ZC3HAV1: variants seen among roughly 807,000 people sequenced by gnomAD.
ZC3HAV1 encodes the protein zinc finger CCCH-type antiviral protein 1.
In ZC3HAV1, 41 loss-of-function variants were observed where a neutral mutation model predicts 86.6. That is an observed-to-expected ratio of 0.47 (90% CI 0.37 to 0.61). The LOEUF (loss-of-function observed/expected upper bound fraction) is 0.61, where lower values mean the gene tolerates loss of function less well. ZC3HAV1 is among the 20% of genes least tolerant of loss of function. The pLI, the probability that ZC3HAV1 is intolerant of heterozygous loss-of-function variation, is 0.00. For missense variants in ZC3HAV1, 964 were observed against 1,141.1 expected, an observed-to-expected ratio of 0.84 and a Z score of 2.24; for synonymous variants, 421 against 432.1, an observed-to-expected ratio of 0.97 and a Z score of 0.32.
At chr7:139,072,484 G>C (rs1023258354) in intron 7 of ZC3HAV1, among the ~76,000 whole-genome samples, 11 of 152,232 alleles carry the variant, frequency 7.2e-5, no homozygotes, top group African/African-American at 2.2e-4. Context: ...ACCGCACCCA[G>C]CCCATGCATT....
chr7:139,056,437 GTC>G (rs1214938917), intron 9 of ZC3HAV1, among the ~76,000 whole-genome samples: 1 of 113,744 alleles, frequency 8.8e-6, no homozygotes, highest in Non-Finnish European at 1.7e-5. Context: ...TTTTGAGACA[GTC>G]TCACTCTGTT....
intron 1 of ZC3HAV1, among the ~76,000 whole-genome samples, chr7:139,099,519 G>A (rs1228248384): frequency 3.9e-5 from 6 of 152,192 alleles, no homozygotes; most frequent in East Asian, 3.8e-4. Flanking sequence ...GTTAGAGATC[G>A]CCAGGGGCTG....
intron 7 of ZC3HAV1, among the ~76,000 whole-genome samples, chr7:139,071,479 A>G (rs1271482019): frequency 6.6e-6 from 1 of 152,164 alleles, no homozygotes; most frequent in Non-Finnish European, 1.5e-5. Flanking sequence ...AAAAATTCCA[A>G]TTATTTGACA....
Position 139,047,332 on chromosome 7 carries a change from A to AG in ZC3HAV1, c.*261_*262insC. ...CGATGGAGTGAGATTCAGTCTCAAA[A>AG]AAAAAAAAAAAAAAAAAAATACAAC... On this transcript the variant is annotated 3_prime_UTR_variant, in exon 13 of 13. Coordinates refer to ENST00000242351, the MANE Select transcript of ZC3HAV1 (RefSeq NM_020119.4). 2 of 76,470 alleles carry AG rather than the reference A, an allele frequency of 2.6e-5. No homozygotes were observed. Among genetic ancestry groups the AG allele is most frequent in the Non-Finnish European group, 4.6e-5 (2 of 43,558 alleles). The allele number at this position is 76,470 out of a possible 1,614,324, so 4.7% of individuals were successfully genotyped here. A position where few individuals can be genotyped will look rare whatever the true frequency, so the allele number is the denominator to read the frequency against.
chr7:139,047,466 G>A lies in ZC3HAV1; in HGVS notation c.*128C>T, dbSNP rs921738423. The A allele has an allele frequency of 3.0e-6, 4 of 1,340,536 alleles. No individual in the cohort carries two copies. Among genetic ancestry groups the A allele is most frequent in the African/African-American group, 3.0e-5 (2 of 67,052 alleles). The allele number at this position is 1,340,536 out of a possible 1,614,324, so 83.0% of individuals were successfully genotyped here. ...ATTCTAATATGTAGCAAAATTTGGG[G>A]ACCACTGATCTAAGACATTAGATAA... On this transcript the variant is annotated 3_prime_UTR_variant, in exon 13 of 13. Coordinates refer to ENST00000242351, the MANE Select transcript of ZC3HAV1 (RefSeq NM_020119.4).
intron 1 of ZC3HAV1, among the ~76,000 whole-genome samples, chr7:139,103,697 G>T (rs531278434): frequency 1.3e-5 from 2 of 152,138 alleles, no homozygotes; most frequent in Admixed American, 1.3e-4. Flanking sequence ...TTGGCAGCAC[G>T]ATTTGGTATA....
intron 1 of ZC3HAV1, among the ~76,000 whole-genome samples, chr7:139,097,953 C>T (rs536195599): frequency 1.3e-5 from 2 of 149,706 alleles, no homozygotes; most frequent in South Asian, 2.1e-4. Context: ...CATTATTTAC[C>T]TTTTTTTTTA....
At chr7:139,079,072 C>T (rs1817042488) in intron 4 of ZC3HAV1, 1 of 1,534,654 alleles carries the variant, frequency 6.5e-7, no homozygotes, top group Non-Finnish European at 8.7e-7. Context: ...AGACTCAAGA[C>T]ACAGAGGCCC....
chr7:139,065,922 G>A (rs902341295), intron 7 of ZC3HAV1, among the ~76,000 whole-genome samples: 5 of 151,850 alleles, frequency 3.3e-5, no homozygotes, highest in Non-Finnish European at 7.4e-5. Context: ...AAGGAAAGAA[G>A]GGATAAGGCA....
At chr7:139,093,528 G>C (rs1584868620) in intron 1 of ZC3HAV1, among the ~76,000 whole-genome samples, 1 of 152,186 alleles carries the variant, frequency 6.6e-6, no homozygotes. Flanking sequence ...AAAATGGCCT[G>C]TTTCTGCCTT....
At chr7:139,087,940 G>A (rs1244027270) in intron 2 of ZC3HAV1, among the ~76,000 whole-genome samples, 1 of 147,998 alleles carries the variant, frequency 6.8e-6, no homozygotes, top group Non-Finnish European at 1.5e-5. Context: ...GCTTAGGCAG[G>A]AGGATAACTT....
intron 1 of ZC3HAV1, among the ~76,000 whole-genome samples, chr7:139,097,129 C>G (rs991903946): frequency 6.7e-6 from 1 of 150,058 alleles, no homozygotes; most frequent in East Asian, 1.9e-4. Flanking sequence ...GAGAGGGAGG[C>G]TCTGTCTAAA....
intron 7 of ZC3HAV1, among the ~76,000 whole-genome samples, chr7:139,069,187 C>T (rs988725041): frequency 1.3e-4 from 20 of 152,280 alleles, no homozygotes; most frequent in Admixed American, 5.2e-4. Context: ...TCTCATTAGA[C>T]CTTTTAGCTA....
At chr7:139,089,271 C>T (rs1817363980) in intron 2 of ZC3HAV1, among the ~76,000 whole-genome samples, 1 of 151,954 alleles carries the variant, frequency 6.6e-6, no homozygotes, top group African/African-American at 2.4e-5. Context: ...TAGCCCATAC[C>T]CTCATCTTCC....
intron 8 of ZC3HAV1, 115 bp from the exon 9 acceptor site, chr7:139,061,253 G>T: frequency 1.1e-6 from 1 of 939,844 alleles, no homozygotes; most frequent in Non-Finnish European, 1.6e-6. Flanking sequence ...TGACCTGTAT[G>T]TATACGAATA....
In ZC3HAV1 at chr7:139,046,838, A is replaced by T. The variant is rs941351624; in HGVS notation, c.*756T>A. ...TTACATCCTTAATAGGCATGATTAGATTTCTCCCAAATTTTCCAAATTAAC... is the reference window on the plus strand; with the variant it reads ...TTACATCCTTAATAGGCATGATTAGTTTTCTCCCAAATTTTCCAAATTAAC... On this transcript the variant is annotated 3_prime_UTR_variant, in exon 13 of 13. Coordinates refer to ENST00000242351, the MANE Select transcript of ZC3HAV1 (RefSeq NM_020119.4). 7 of 152,200 alleles carry T rather than the reference A, an allele frequency of 4.6e-5. No individual in the cohort carries two copies. Among genetic ancestry groups the T allele is most frequent in the African/African-American group, 1.4e-4 (6 of 41,446 alleles). The allele number at this position is 152,200 out of a possible 1,614,324, so 9.4% of individuals were successfully genotyped here. A position where few individuals can be genotyped will look rare whatever the true frequency, so the allele number is the denominator to read the frequency against.
intron 2 of ZC3HAV1, among the ~76,000 whole-genome samples, chr7:139,089,240 G>A (rs1242695077): frequency 6.6e-6 from 1 of 151,952 alleles, no homozygotes; most frequent in Non-Finnish European, 1.5e-5. Flanking sequence ...GTATTTTGAG[G>A]GGGTCTCTGT....
In ZC3HAV1 at chr7:139,076,409, C is replaced by T. The variant is rs748184784; in HGVS notation, c.1574G>A (p.Gly525Asp). 6.2e-7 allele frequency: 1 copy of T among 1,613,980 alleles called. No individual in the cohort carries two copies. Among genetic ancestry groups the T allele is most frequent in the Non-Finnish European group, 8.5e-7 (1 of 1,179,968 alleles). The change falls in exon 6 of 13, where the codon GGT (glycine) becomes GAT (aspartate). Residue 525 changes from glycine to aspartate, a missense_variant and splice_region_variant. By Grantham distance (94) the Gly-to-Asp change is moderately conservative. Coordinates refer to ENST00000242351, the MANE Select transcript of ZC3HAV1 (RefSeq NM_020119.4). The stretch of plus-strand genomic sequence containing the variant: ...ATGGAAGTGGACTTTGCTGCAGCTA[C>T]CTACAAAGACAAAGAAGGGGTCTGA... ...DHLCKGCPLN[G>D]SCSKVHFHLP...
At chr7:139,051,249 G>A (rs1032614196) in intron 12 of ZC3HAV1, among the ~76,000 whole-genome samples, 1 of 151,602 alleles carries the variant, frequency 6.6e-6, no homozygotes, top group Admixed American at 6.6e-5. Flanking sequence ...GTAGAAACGG[G>A]GTTTCACCAT....
Sources: allele counts gnomAD v4.1 joint callset (sites outside exome capture counted in the v4.1 genomes callset), GRCh38; gene constraint gnomAD v4.1.1; transcripts MANE v1.5; gene names NCBI Gene and HGNC (gene_info 2026-07-23, HGNC 2026-07-21).